Variants in MAGI2 observed in about 807,000 individuals in gnomAD.
MAGI2 encodes the protein membrane associated guanylate kinase, WW and PDZ domain containing 2, also known as membrane-associated guanylate kinase, WW and PDZ domain-containing protein 2.
A neutral mutation model predicts 133.3 loss-of-function variants in MAGI2; 35 were observed. That is an observed-to-expected ratio of 0.26 (90% CI 0.20 to 0.35). The LOEUF (loss-of-function observed/expected upper bound fraction) is 0.35. MAGI2 is among the 10% of genes least tolerant of loss of function. The probability of loss-of-function intolerance (pLI) is 1.00; values close to 1 mark genes in which losing one functional copy is unlikely to be tolerated. For missense variants in MAGI2, 1,636 were observed against 1,863.4 expected (o/e 0.88, Z 2.25); for synonymous variants, 729 against 710.6 (o/e 1.03, Z -0.41).
intron 2 of MAGI2, among the ~76,000 whole-genome samples, chr7:78,736,866 C>A (rs566120242): frequency 6.6e-6 from 1 of 152,124 alleles, no homozygotes; most frequent in Non-Finnish European, 1.5e-5. Flanking sequence ...GATTATATAT[C>A]TTTTTAATAT....
chr7:78,600,036 T>C (rs915686540), intron 3 of MAGI2, among the ~76,000 whole-genome samples: 3 of 152,234 alleles, frequency 2.0e-5, no homozygotes, highest in East Asian at 1.9e-4. Flanking sequence ...CAATGCCTAG[T>C]TGACCTTGTA....
chr7:78,438,119 A>T (rs1377076624), intron 6 of MAGI2, among the ~76,000 whole-genome samples: 2 of 152,190 alleles, frequency 1.3e-5, no homozygotes, highest in African/African-American at 2.4e-5. Context: ...AACTGGTGAG[A>T]ATAAAGCAAA....
chr7:78,935,772 T>C (rs926442733), intron 2 of MAGI2, among the ~76,000 whole-genome samples: 10 of 152,102 alleles, frequency 6.6e-5, no homozygotes, highest in African/African-American at 1.9e-4. Flanking sequence ...GATCATTGAC[T>C]CTCTGTAAAC....
At chr7:79,186,365 T>C (rs970901033) in intron 1 of MAGI2, among the ~76,000 whole-genome samples, 3 of 149,530 alleles carry the variant, frequency 2.0e-5, no homozygotes, top group African/African-American at 7.3e-5. Flanking sequence ...AAGTAGCTGA[T>C]AGTAGATCTG....
intron 2 of MAGI2, among the ~76,000 whole-genome samples, chr7:78,671,115 T>TCAGGCACTTA (rs1420551866): frequency 2.6e-5 from 4 of 152,102 alleles, no homozygotes; most frequent in Non-Finnish European, 5.9e-5. Flanking sequence ...ATGAACAATA[T>TCAGGCACTTA]CATCCTCAGG....
intron 6 of MAGI2, among the ~76,000 whole-genome samples, chr7:78,376,812 G>T (rs1041962076): frequency 5.3e-5 from 8 of 152,088 alleles, no homozygotes. Context: ...GCACTATAAA[G>T]GATGTTGTCT....
intron 1 of MAGI2, among the ~76,000 whole-genome samples, chr7:79,368,921 G>A (rs1296619462): frequency 7.0e-6 from 1 of 143,756 alleles, no homozygotes; most frequent in East Asian, 2.1e-4. Context: ...AAAATAGAAA[G>A]TGCTACCCCA....
chr7:79,136,854 T>C (rs2129545833), intron 1 of MAGI2, among the ~76,000 whole-genome samples: 1 of 152,288 alleles, frequency 6.6e-6, no homozygotes, highest in African/African-American at 2.4e-5. Flanking sequence ...AGTAATAACT[T>C]GAACAGGGAG....
chr7:78,058,347 T>TC (rs1812863614), intron 21 of MAGI2, among the ~76,000 whole-genome samples: 1 of 151,996 alleles, frequency 6.6e-6, no homozygotes, highest in African/African-American at 2.4e-5. Context: ...CCAGCCTCCC[T>TC]CCCCCCACTT....
At chr7:79,087,540 G>A (rs1372380684) in intron 1 of MAGI2, among the ~76,000 whole-genome samples, 2 of 151,894 alleles carry the variant, frequency 1.3e-5, no homozygotes, top group Non-Finnish European at 2.9e-5. Context: ...TTTATAATGA[G>A]TCAGTGTAAG....
intron 2 of MAGI2, among the ~76,000 whole-genome samples, chr7:78,995,709 G>GCTTTT (rs139911635): frequency 5.5e-4 from 83 of 152,110 alleles, no homozygotes; most frequent in East Asian, 2.1e-3. Context: ...AGACTTCATT[G>GCTTTT]CTTTTCTTTT....
At chr7:78,883,838 A>G (rs1796065521) in intron 2 of MAGI2, among the ~76,000 whole-genome samples, 1 of 152,192 alleles carries the variant, frequency 6.6e-6, no homozygotes, top group African/African-American at 2.4e-5. Flanking sequence ...ACATTTCACC[A>G]TATAGAAAAA....
At chr7:78,275,812 G>A (rs991658575) in intron 9 of MAGI2, among the ~76,000 whole-genome samples, 24 of 152,106 alleles carry the variant, frequency 1.6e-4, no homozygotes, top group Non-Finnish European at 1.0e-4. Context: ...TGAAAATAAT[G>A]GACTAGAATA....
intron 1 of MAGI2, chr7:79,343,184 T>C (rs1841038106): frequency 6.6e-6 from 1 of 152,146 alleles, no homozygotes; most frequent in Non-Finnish European, 1.5e-5. Flanking sequence ...CATAATAACA[T>C]CACCACAGTC....
intron 21 of MAGI2, among the ~76,000 whole-genome samples, chr7:78,059,958 C>G (rs1172880223): frequency 1.3e-5 from 2 of 152,134 alleles, no homozygotes; most frequent in Non-Finnish European, 2.9e-5. Flanking sequence ...CATTAGCTCT[C>G]ATTCCACAGG....
intron 2 of MAGI2, among the ~76,000 whole-genome samples, chr7:78,741,413 ACACACACACACACAC>A (rs1430996949): frequency 0.027 from 4,016 of 146,388 alleles, 184 homozygotes; most frequent in African/African-American, 0.099. Flanking sequence ...ACACACACAC[ACACACACACACACAC>A]GGGAGGGGGG....
chr7:78,368,051 A>T (rs550632321), intron 7 of MAGI2, among the ~76,000 whole-genome samples: 1 of 152,240 alleles, frequency 6.6e-6, no homozygotes, highest in South Asian at 2.1e-4. Context: ...ATTCACCTTG[A>T]CTGTGAATCT....
chr7:78,269,844 A>C (rs148999761), intron 9 of MAGI2, among the ~76,000 whole-genome samples: 32,537 of 151,976 alleles, frequency 0.21, 3,692 homozygotes, highest in South Asian at 0.31. Context: ...TTTGCCCATG[A>C]CTATGTCCTG....
intron 1 of MAGI2, among the ~76,000 whole-genome samples, chr7:79,015,120 T>G (rs1808554488): frequency 6.6e-6 from 1 of 152,162 alleles, no homozygotes; most frequent in African/African-American, 2.4e-5. Flanking sequence ...CCAAGTCAAC[T>G]GAAAAACATT....
Sources: allele counts gnomAD v4.1 joint callset (sites outside exome capture counted in the v4.1 genomes callset), GRCh38; gene constraint gnomAD v4.1.1; transcripts MANE v1.5; gene names NCBI Gene and HGNC (gene_info 2026-07-23, HGNC 2026-07-21).